Variants in HAT1 observed in about 807,000 individuals in gnomAD.
HAT1 encodes histone acetyltransferase 1.
HAT1 carries 20 observed loss-of-function variants against 56.6 expected under a neutral mutation model. The ratio of observed to expected loss-of-function variants is 0.35; its 90% CI spans 0.25 to 0.51. The LOEUF is 0.51. Ranked by LOEUF, HAT1 falls within the 20% of genes least tolerant of loss-of-function variation. HAT1 has a pLI of 0.95. For synonymous variants in HAT1, 146 were observed against 165.5 expected, an observed-to-expected ratio of 0.88 and a Z score of 0.91; for missense variants, 408 against 504.3, an observed-to-expected ratio of 0.81 and a Z score of 1.83.
intron 9 of HAT1, 83 bp from the exon 10 acceptor site, chr2:171,979,164 A>G (rs936223737): frequency 1.4e-6 from 1 of 716,678 alleles, no homozygotes; most frequent in Admixed American, 2.3e-5. Flanking sequence ...CATGGCAGAT[A>G]TTAAATATAT....
At chr2:171,983,014 A>C (rs781628880) in intron 10 of HAT1, among the ~76,000 whole-genome samples, 171 bp from the exon 11 acceptor site, 45 of 152,144 alleles carry the variant, frequency 3.0e-4, no homozygotes, top group Non-Finnish European at 5.1e-4. Context: ...CATGGTTAAC[A>C]TTATGTTTAA....
intron 9 of HAT1, among the ~76,000 whole-genome samples, chr2:171,977,553 ATATATTTTTTTTT>A (rs1419843273): frequency 9.1e-5 from 1 of 10,950 alleles, no homozygotes; most frequent in Non-Finnish European, 1.7e-4. Context: ...ATATATATAT[ATATATTTTTTTTT>A]TTTTTTTTTT....
At chr2:171,939,795 T>C (rs1225403917) in intron 2 of HAT1, among the ~76,000 whole-genome samples, 1 of 151,916 alleles carries the variant, frequency 6.6e-6, no homozygotes, top group Non-Finnish European at 1.5e-5. Flanking sequence ...CTCCTTTTTT[T>C]CTTTTTTTTT....
In HAT1 at chr2:171,983,210, T is replaced by C; in HGVS notation, c.1118T>C (p.Met373Thr). 6.3e-7 allele frequency: 1 copy of C among 1,585,652 alleles called. No individual in the cohort carries two copies. The highest frequency in any genetic ancestry group is 1.2e-5 in the South Asian group (1 of 86,508). The change falls in exon 11 of 11, where the codon ATG (methionine) becomes ACG (threonine). Residue 373 changes from methionine (M) to threonine (T), a missense_variant. Transcript: ENST00000264108. ...YKKKQRDLAKMRKCLRPEELT... is the reference protein window; with the variant it reads ...YKKKQRDLAKTRKCLRPEELT... The stretch of plus-strand genomic sequence containing the variant: ...AAAAAGCAGAGAGATCTTGCTAAGA[T>C]GAGAAAATGTCTCAGACCAGAAGAA...
intron 8 of HAT1, among the ~76,000 whole-genome samples, chr2:171,974,363 A>T (rs999893331): frequency 6.6e-6 from 1 of 151,938 alleles, no homozygotes; most frequent in Non-Finnish European, 1.5e-5. Context: ...TTAATTTCTT[A>T]ATTTTGTTTT....
intron 2 of HAT1, among the ~76,000 whole-genome samples, chr2:171,945,862 G>T (rs1297829145): frequency 1.3e-5 from 2 of 152,030 alleles, no homozygotes; most frequent in East Asian, 1.9e-4. Flanking sequence ...TAGAGATGGG[G>T]TTTCACCATG....
At chr2:171,952,497 T>C (rs1442367355) in intron 3 of HAT1, among the ~76,000 whole-genome samples, 1 of 152,232 alleles carries the variant, frequency 6.6e-6, no homozygotes, top group Non-Finnish European at 1.5e-5. Flanking sequence ...GCTTGGTAGC[T>C]GCTTGCCTAG....
intron 2 of HAT1, among the ~76,000 whole-genome samples, chr2:171,942,659 G>A (rs1369033260): frequency 6.6e-6 from 1 of 151,984 alleles, no homozygotes; most frequent in African/African-American, 2.4e-5. Flanking sequence ...CTGATATCCT[G>A]GAGAAAGTTC....
intron 3 of HAT1, among the ~76,000 whole-genome samples, chr2:171,949,443 C>T (rs920139995): frequency 1.2e-4 from 18 of 152,150 alleles, no homozygotes; most frequent in Middle Eastern, 3.4e-3. Flanking sequence ...TTTGGGAGGC[C>T]GAGGCGGGAG....
At chr2:171,923,423 TTCGGC>T (rs1439424657) in intron 1 of HAT1, 1 of 152,036 alleles carries the variant, frequency 6.6e-6, no homozygotes, top group South Asian at 2.1e-4. Flanking sequence ...CGCCACAACA[TTCGGC>T]TAAAAAAAAA....
At chr2:171,925,503 C>T in intron 1 of HAT1, 34 bp from the exon 2 acceptor site, 1 of 954,760 alleles carries the variant, frequency 1.0e-6, no homozygotes, top group South Asian at 1.3e-5. Context: ...TAAGTCACTT[C>T]CAAACTAAAC....
In HAT1 at chr2:171,925,727, TGTAAGAGCA is replaced by T. The variant is rs1314139387; in HGVS notation, c.112+89_112+97del. The T allele has an allele frequency of 8.1e-6, 5 of 617,524 alleles. No homozygotes were observed. In the African/African-American group the frequency reaches 9.4e-5, roughly 12 times the overall value. The allele number at this position is 617,524 out of a possible 1,614,324, so 38.3% of individuals were successfully genotyped here. The stretch of plus-strand genomic sequence containing the variant: ...ATTTTAAATTTGAAGTAAAATTTTA[TGTAAGAGCA>T]GTTATTTATGCAAATGTATGGTTTT... On this transcript the variant is annotated intron_variant, in intron 2 of 10. Coordinates refer to ENST00000264108, the MANE Select transcript of HAT1 (RefSeq NM_003642.4).
At chr2:171,954,710 G>A (rs1167632014) in intron 4 of HAT1, among the ~76,000 whole-genome samples, 1 of 152,162 alleles carries the variant, frequency 6.6e-6, no homozygotes, top group Non-Finnish European at 1.5e-5. Context: ...AGATGAGTAT[G>A]CATCTGTGGT....
In HAT1 at chr2:171,965,805, G is replaced by A; in HGVS notation, c.508G>A (p.Gly170Ser). ...TCCCTAGGCTGACATGACATGTAGAGGCTTTCGAGAATATCATGAAAGGCT... is the reference window on the plus strand; with the variant it reads ...TCCCTAGGCTGACATGACATGTAGAAGCTTTCGAGAATATCATGAAAGGCT... ...QIYKADMTCRGFREYHERLQT... is the reference protein window; with the variant it reads ...QIYKADMTCRSFREYHERLQT... Residue 170 changes from glycine to serine, a missense_variant, in exon 6 of 11, where the codon GGC (glycine) becomes AGC (serine). Gly to Ser is a moderately conservative substitution (Grantham distance 56, BLOSUM62 0). Coordinates refer to ENST00000264108, the MANE Select transcript of HAT1 (RefSeq NM_003642.4). 1.2e-6 allele frequency: 2 copies of A among 1,613,456 alleles called. No homozygotes were observed. Among genetic ancestry groups the A allele is most frequent in the Non-Finnish European group, 8.5e-7 (1 of 1,179,554 alleles).
At chr2:171,953,972 G>A (rs1687377404) in intron 4 of HAT1, among the ~76,000 whole-genome samples, 1 of 152,124 alleles carries the variant, frequency 6.6e-6, no homozygotes, top group East Asian at 1.9e-4. Flanking sequence ...TGCAGCCTGG[G>A]TGACAGAGTG....
At chr2:171,975,230 A>C (rs924078852) in intron 8 of HAT1, among the ~76,000 whole-genome samples, 1 of 151,682 alleles carries the variant, frequency 6.6e-6, no homozygotes, top group Admixed American at 6.6e-5. Flanking sequence ...TCAGCCTCCC[A>C]AGTAGCTGGG....
chr2:171,969,394 A>C (rs529913391), intron 8 of HAT1, among the ~76,000 whole-genome samples: 79 of 152,310 alleles, frequency 5.2e-4, no homozygotes, highest in African/African-American at 1.9e-3. Flanking sequence ...CCTTCTTTAG[A>C]ATATGATTTT....
chr2:171,974,332 G>T (rs1355286034), intron 8 of HAT1, among the ~76,000 whole-genome samples: 1 of 151,560 alleles, frequency 6.6e-6, no homozygotes, highest in South Asian at 2.1e-4. Flanking sequence ...TTTTGATGCT[G>T]TTGGAAATGG....
chr2:171,926,077 T>C (rs1686582948), intron 2 of HAT1, among the ~76,000 whole-genome samples: 1 of 152,088 alleles, frequency 6.6e-6, no homozygotes, highest in Non-Finnish European at 1.5e-5. Context: ...TTTCCTTCCT[T>C]CTCTTCTTTC....
Sources: gnomAD v4.1 joint callset for allele counts (sites outside exome capture counted in the v4.1 genomes callset) on GRCh38, gnomAD v4.1.1 for gene constraint, MANE v1.5 for transcripts, NCBI Gene and HGNC (gene_info 2026-07-23, HGNC 2026-07-21) for gene names.